Variants in SCD5 observed in about 807,000 individuals in gnomAD.
The protein encoded by SCD5 is acyl-CoA-desaturase 4.
In SCD5, 20 loss-of-function variants were observed where a neutral mutation model predicts 30.4. That is an observed-to-expected ratio of 0.66 (90% CI 0.46 to 0.96). SCD5 has a LOEUF of 0.96. Among genes scored for constraint, SCD5 ranks in the 40% least tolerant of loss-of-function variants. The pLI is 0.00. For missense variants in SCD5, 381 were observed against 443.3 expected (o/e 0.86, Z 1.26); for synonymous variants, 173 against 176.4 (o/e 0.98, Z 0.16).
At chr4:82,653,689 G>GATAGATAGATAGATAT (rs1336631518) in intron 3 of SCD5, among the ~76,000 whole-genome samples, 7 of 139,756 alleles carry the variant, frequency 5.0e-5, no homozygotes, top group Admixed American at 1.4e-4. Flanking sequence ...TAGATAGATA[G>GATAGATAGATAGATAT]ATAGATAGAT....
At chr4:82,798,238 C>T in intron 1 of SCD5, 68 bp downstream of exon 1, 1 of 1,263,534 alleles carries the variant, frequency 7.9e-7, no homozygotes, top group African/African-American at 1.6e-5. Context: ...GGGCGAGCGG[C>T]GACCTCGCGC....
intron 3 of SCD5, chr4:82,660,831 T>C (rs1727984480): frequency 8.7e-6 from 14 of 1,613,198 alleles, no homozygotes; most frequent in Non-Finnish European, 1.1e-5. Context: ...TGTTATTCTA[T>C]ACGTTATCAC....
chr4:82,761,134 T>A (rs1309436414), intron 1 of SCD5, among the ~76,000 whole-genome samples: 1 of 152,196 alleles, frequency 6.6e-6, no homozygotes, highest in Non-Finnish European at 1.5e-5. Context: ...CAATTACAGG[T>A]TGGCAGGTGT....
chr4:82,759,631 C>T (rs13120202), intron 1 of SCD5, among the ~76,000 whole-genome samples: 112,450 of 147,700 alleles, frequency 0.76, 43,559 homozygotes, highest in Admixed American at 0.84. Context: ...CTAGGCAACA[C>T]AGCAAGAACC....
intron 1 of SCD5, among the ~76,000 whole-genome samples, chr4:82,712,297 T>TATACATATATATATATATATACGTA (rs1560540874): frequency 5.9e-5 from 2 of 33,766 alleles, no homozygotes; most frequent in Non-Finnish European, 1.3e-4. Context: ...TATATATATA[T>TATACATATATATATATATATACGTA]TTTATTTTTA....
chr4:82,641,772 T>C (rs537331133), intron 3 of SCD5, among the ~76,000 whole-genome samples: 3 of 152,226 alleles, frequency 2.0e-5, no homozygotes, highest in African/African-American at 7.2e-5. Context: ...TGGATAGTCA[T>C]GGAGGTGGTG....
chr4:82,700,710 C>A (rs567253485), intron 2 of SCD5, among the ~76,000 whole-genome samples: 27 of 143,914 alleles, frequency 1.9e-4, no homozygotes, highest in African/African-American at 6.3e-4. Flanking sequence ...GCGCTTAAGC[C>A]CAGGAGTTCA....
chr4:82,711,227 C>A (rs1238966823), intron 1 of SCD5, among the ~76,000 whole-genome samples: 1 of 152,056 alleles, frequency 6.6e-6, no homozygotes, highest in Non-Finnish European at 1.5e-5. Context: ...CACTTTTCAT[C>A]ACTATAAACT....
At chr4:82,638,963 T>C (rs950920506) in intron 3 of SCD5, among the ~76,000 whole-genome samples, 7 of 152,252 alleles carry the variant, frequency 4.6e-5, no homozygotes, top group Non-Finnish European at 1.5e-5. Context: ...AGAAAGTTTA[T>C]GTAGCTGGCC....
chr4:82,756,027 T>C (rs1721227233), intron 1 of SCD5, among the ~76,000 whole-genome samples: 1 of 152,204 alleles, frequency 6.6e-6, no homozygotes, highest in South Asian at 2.1e-4. Context: ...GATTTAGTGT[T>C]GGTGTAGAGG....
intron 4 of SCD5, among the ~76,000 whole-genome samples, chr4:82,633,933 C>T (rs908453928): frequency 2.6e-5 from 4 of 152,210 alleles, no homozygotes; most frequent in African/African-American, 7.2e-5. Context: ...GCCTCCTACT[C>T]CCTCCCAGTC....
intron 2 of SCD5, among the ~76,000 whole-genome samples, chr4:82,699,381 T>C (rs1278089340): frequency 6.6e-6 from 1 of 152,124 alleles, no homozygotes; most frequent in African/African-American, 2.4e-5. Context: ...TGTAGGGGCA[T>C]TATCAATGAC....
intron 3 of SCD5, among the ~76,000 whole-genome samples, chr4:82,679,292 G>GA (rs1272286364): frequency 6.7e-6 from 1 of 148,610 alleles, no homozygotes. Flanking sequence ...AGGAAGGAAA[G>GA]AAAGAAAGAA....
At chr4:82,795,222 G>A (rs1024933994) in intron 1 of SCD5, among the ~76,000 whole-genome samples, 2 of 152,166 alleles carry the variant, frequency 1.3e-5, no homozygotes, top group African/African-American at 4.8e-5. Context: ...CTTGTTTCCA[G>A]CACAACCTCA....
rs190308606 is a variant in SCD5 at position 82,735,581 on chromosome 4, G to A, written c.233-30168C>T. ...GGAGCCGCCACATTCGTTACTGCTCGTTTTTCAACTGCATGGTGGAAGGGG... is the reference window on the plus strand; with the variant it reads ...GGAGCCGCCACATTCGTTACTGCTCATTTTTCAACTGCATGGTGGAAGGGG... On this transcript the variant is annotated intron_variant, in intron 1 of 4. Coordinates refer to ENST00000319540, the MANE Select transcript of SCD5 (RefSeq NM_001037582.3). Among the ~76,000 whole-genome samples the A allele has an allele frequency of 1.8e-3, 276 of 152,300 alleles. 2 individuals carry two copies. The highest frequency in any genetic ancestry group is 6.4e-3 in the African/African-American group (266 of 41,574).
intron 1 of SCD5, among the ~76,000 whole-genome samples, chr4:82,756,592 G>T (rs547435522): frequency 1.4e-4 from 22 of 152,166 alleles, no homozygotes; most frequent in Non-Finnish European, 2.6e-4. Context: ...AGGTGTGGTG[G>T]TGTGCACCTG....
intron 3 of SCD5, among the ~76,000 whole-genome samples, chr4:82,662,857 C>CAAAA: frequency 1.4e-5 from 1 of 72,842 alleles, no homozygotes; most frequent in Non-Finnish European, 2.8e-5. Flanking sequence ...AACTCCGTCT[C>CAAAA]AAAAAAAAAA....
chr4:82,632,877 T>C (rs1264130614), intron 4 of SCD5, among the ~76,000 whole-genome samples: 2 of 152,206 alleles, frequency 1.3e-5, no homozygotes, highest in Non-Finnish European at 2.9e-5. Context: ...ACAAATAAAA[T>C]TTGTATATAT....
intron 1 of SCD5, among the ~76,000 whole-genome samples, chr4:82,739,768 A>T (rs1720834613): frequency 6.6e-6 from 1 of 152,266 alleles, no homozygotes; most frequent in Non-Finnish European, 1.5e-5. Context: ...GCTGATCGTG[A>T]AAAGCCACGA....
Sources: allele counts gnomAD v4.1 joint callset (sites outside exome capture counted in the v4.1 genomes callset), GRCh38; gene constraint gnomAD v4.1.1; transcripts MANE v1.5; gene names NCBI Gene and HGNC (gene_info 2026-07-23, HGNC 2026-07-21).